Variants in STAM observed in about 807,000 individuals in gnomAD.
STAM encodes the protein signal transducing adapter molecule 1.
STAM carries 16 observed loss-of-function variants against 63.4 expected under a neutral mutation model. The ratio of observed to expected loss-of-function variants is 0.25; its 90% CI spans 0.17 to 0.38. The LOEUF (loss-of-function observed/expected upper bound fraction) is 0.38, where lower values mean the gene tolerates loss of function less well. Ranked by LOEUF, STAM falls within the 10% of genes least tolerant of loss-of-function variation. The pLI is 1.00. For missense variants in STAM, 636 were observed against 657.1 expected, an observed-to-expected ratio of 0.97 and a Z score of 0.35; for synonymous variants, 238 against 223.9, an observed-to-expected ratio of 1.06 and a Z score of -0.56.
intron 13 of STAM, among the ~76,000 whole-genome samples, chr10:17,711,328 A>G (rs17141551): frequency 0.012 from 1,779 of 152,202 alleles, 41 homozygotes; most frequent in African/African-American, 0.04. Flanking sequence ...ATAAGTGACA[A>G]TTACTGTTAG....
At chr10:17,695,386 G>T (rs1032949573) in intron 7 of STAM, 145 bp downstream of exon 7, 3 of 670,388 alleles carry the variant, frequency 4.5e-6, no homozygotes, top group Non-Finnish European at 6.9e-6. Flanking sequence ...TGATTTGCTT[G>T]TGTTATACTG....
At chr10:17,688,003 T>C (rs1554826276) in intron 4 of STAM, 24 bp from the exon 5 acceptor site, 1 of 1,540,944 alleles carries the variant, frequency 6.5e-7, no homozygotes, top group East Asian at 2.3e-5. Context: ...TTGGTGCTCT[T>C]TTATTTCTTT....
At chr10:17,650,728 T>C (rs1355633713) in intron 1 of STAM, among the ~76,000 whole-genome samples, 2 of 152,160 alleles carry the variant, frequency 1.3e-5, no homozygotes, top group Non-Finnish European at 2.9e-5. Flanking sequence ...CTGATGGTGA[T>C]ATTTTTAAAA....
intron 5 of STAM, among the ~76,000 whole-genome samples, chr10:17,692,492 G>A (rs566219694): frequency 9.2e-5 from 14 of 152,264 alleles, no homozygotes; most frequent in African/African-American, 2.6e-4. Flanking sequence ...GCAGTTTCTG[G>A]TAACTGGCAG....
rs1554828946 is a variant in STAM, at chr10:17,704,467, A to G, written c.949A>G (p.Thr317Ala). 2.5e-6 allele frequency: 4 copies of G among 1,614,182 alleles called. No individual in the cohort carries two copies. Among genetic ancestry groups the G allele is most frequent in the South Asian group, 1.1e-5 (1 of 91,086 alleles). ...CCAGTTGCTACAGATGCTGCAAAGTACAGACCCCAGTGATGATCAGCCAGA... is the reference window on the plus strand; with the variant it reads ...CCAGTTGCTACAGATGCTGCAAAGTGCAGACCCCAGTGATGATCAGCCAGA... ...MDQLLQMLQS[T>A]DPSDDQPDLP... Residue 317 changes from threonine (T) to alanine (A), a missense_variant, in exon 10 of 14, where the codon ACA becomes GCA. This residue lies in a region of STAM where 532 missense variants were observed against 536.9 expected (regional missense o/e 0.99). Transcript: ENST00000377524.
intron 12 of STAM, among the ~76,000 whole-genome samples, chr10:17,707,698 C>T (rs1459764677): frequency 6.6e-6 from 1 of 152,040 alleles, no homozygotes; most frequent in African/African-American, 2.4e-5. Context: ...ATAATGAAGA[C>T]CCTTTGGATC....
Position 17,700,151 on chromosome 10 carries a change from A to G in STAM, c.824-40A>G, listed in dbSNP as rs782515699. 132 of 1,484,598 alleles carry G rather than the reference A, an allele frequency of 8.9e-5. No individual in the cohort carries two copies. The East Asian group carries it at 3.1e-3, about 35-fold the overall frequency. The allele number at this position is 1,484,598 out of a possible 1,614,324, so 92.0% of individuals were successfully genotyped here. On this transcript the variant is annotated intron_variant, in intron 8 of 13. Coordinates refer to ENST00000377524, the MANE Select transcript of STAM (RefSeq NM_003473.4). The stretch of plus-strand genomic sequence containing the variant: ...AAAGTGCTTTAAAGTAGAATTTTAA[A>G]TGTATTATTAAAAAAAGATAACTTT...
At chr10:17,704,370 T>G in intron 9 of STAM, 61 bp from the exon 10 acceptor site, 3 of 1,430,286 alleles carry the variant, frequency 2.1e-6, no homozygotes, top group Non-Finnish European at 9.8e-7. Flanking sequence ...GATAATAAAG[T>G]GAAAACATAA....
intron 1 of STAM, among the ~76,000 whole-genome samples, chr10:17,651,064 CAAAAAAAA>C (rs10606057): frequency 1.4e-4 from 8 of 55,768 alleles, no homozygotes; most frequent in Non-Finnish European, 2.3e-4. Context: ...GAGTCCGTCT[CAAAAAAAA>C]AAAAAAAAAA....
intron 2 of STAM, among the ~76,000 whole-genome samples, chr10:17,660,753 C>T (rs1007618170): frequency 1.3e-5 from 2 of 151,862 alleles, no homozygotes; most frequent in East Asian, 1.9e-4. Context: ...CATAGTGAGA[C>T]CCCGTCTCTT....
At chr10:17,644,997 T>C (rs1392642889) in intron 1 of STAM, among the ~76,000 whole-genome samples, 1 of 152,170 alleles carries the variant, frequency 6.6e-6, no homozygotes, top group Admixed American at 6.5e-5. Context: ...CTTTAAAAGG[T>C]GTAAAGAAGT....
At chr10:17,680,753 C>T (rs1196467411) in intron 2 of STAM, among the ~76,000 whole-genome samples, 4 of 152,166 alleles carry the variant, frequency 2.6e-5, no homozygotes, top group African/African-American at 9.7e-5. Flanking sequence ...CATCATACAG[C>T]ATTTGTCCTG....
At chr10:17,653,231 A>G (rs546749769) in intron 1 of STAM, among the ~76,000 whole-genome samples, 1 of 152,292 alleles carries the variant, frequency 6.6e-6, no homozygotes, top group South Asian at 2.1e-4. Context: ...TGTAGAATCC[A>G]TGAAGGTACA....
At chr10:17,678,724 A>G (rs1302007375) in intron 2 of STAM, among the ~76,000 whole-genome samples, 1 of 152,056 alleles carries the variant, frequency 6.6e-6, no homozygotes, top group East Asian at 1.9e-4. Flanking sequence ...ACCACTATCC[A>G]TTTTCAGAAC....
chr10:17,704,444 A>G lies in STAM; in HGVS notation c.926A>G (p.Gln309Arg). ...TAATTCCTGTAGGATAAAATGGACCAGTTGCTACAGATGCTGCAAAGTACA... is the reference window on the plus strand; with the variant it reads ...TAATTCCTGTAGGATAAAATGGACCGGTTGCTACAGATGCTGCAAAGTACA... The part of the protein sequence containing the change: ...PAFIDEDKMD[Q>R]LLQMLQSTDP... Residue 309 changes from glutamine to arginine, a missense_variant, in exon 10 of 14, where the codon CAG becomes CGG. Transcript: ENST00000377524. 6.2e-7 allele frequency: 1 copy of G among 1,614,054 alleles called. No homozygotes were observed. Among genetic ancestry groups the G allele is most frequent in the Non-Finnish European group, 8.5e-7 (1 of 1,179,924 alleles).
chr10:17,705,054 G>C (rs4748405), intron 11 of STAM, 30 bp downstream of exon 11: 119,296 of 1,596,826 alleles, frequency 0.075, 4,794 homozygotes, highest in Middle Eastern at 0.13. Flanking sequence ...TTTATGTTGT[G>C]TACCTTCTTT....
chr10:17,644,856 A>G (rs1020790482), intron 1 of STAM, among the ~76,000 whole-genome samples: 1 of 152,178 alleles, frequency 6.6e-6, no homozygotes, highest in South Asian at 2.1e-4. Flanking sequence ...CGGTAACTGA[A>G]GGAGGGAGCT....
chr10:17,686,056 G>T (rs1418996257), intron 4 of STAM, among the ~76,000 whole-genome samples: 1 of 152,138 alleles, frequency 6.6e-6, no homozygotes, highest in Non-Finnish European at 1.5e-5. Flanking sequence ...TAGTAAGAAT[G>T]TAAAATTCTG....
intron 1 of STAM, among the ~76,000 whole-genome samples, chr10:17,658,313 A>G (rs1382585327): frequency 7.9e-5 from 12 of 151,356 alleles, no homozygotes; most frequent in African/African-American, 1.2e-4. Context: ...TGTGATTTCT[A>G]TTGTTTTAGA....
Sources: allele counts gnomAD v4.1 joint callset (sites outside exome capture counted in the v4.1 genomes callset), GRCh38; gene constraint gnomAD v4.1.1; regional missense constraint gnomAD v4.1.1; transcripts MANE v1.5; gene names NCBI Gene and HGNC (gene_info 2026-07-23, HGNC 2026-07-21).